The following CNTNAP2 variants were observed in gnomAD, a reference collection of about 807,000 sequenced individuals.
The protein encoded by CNTNAP2 is contactin associated protein 2, also known as contactin-associated protein-like 2.
Under a neutral mutation model 155.2 loss-of-function variants are expected in CNTNAP2, and 98 were observed. The ratio of observed to expected loss-of-function variants is 0.63; its 90% confidence interval spans 0.54 to 0.75. The LOEUF (loss-of-function observed/expected upper bound fraction) is 0.75. Among genes scored for constraint, CNTNAP2 ranks in the 30% least tolerant of loss-of-function variants. The pLI is 0.00. For synonymous variants in CNTNAP2, 651 were observed against 631.2 expected, an observed-to-expected ratio of 1.03 and a Z score of -0.47; for missense variants, 1,727 against 1,688.1, an observed-to-expected ratio of 1.02 and a Z score of -0.40.
At chr7:146,341,374 T>C (rs1490651142) in intron 1 of CNTNAP2, among the ~76,000 whole-genome samples, 1 of 152,158 alleles carries the variant, frequency 6.6e-6, no homozygotes, top group Non-Finnish European at 1.5e-5. Flanking sequence ...TTCATTGCAA[T>C]TAAAGGATTC....
intron 11 of CNTNAP2, among the ~76,000 whole-genome samples, chr7:147,558,767 G>A (rs4409329): frequency 0.044 from 6,420 of 146,958 alleles, 208 homozygotes; most frequent in Non-Finnish European, 0.069. Context: ...CTTTGAGATG[G>A]AGTCTTACTC....
intron 13 of CNTNAP2, among the ~76,000 whole-genome samples, chr7:147,676,683 G>C (rs1025147107): frequency 6.6e-5 from 10 of 151,686 alleles, no homozygotes; most frequent in South Asian, 4.2e-4. Flanking sequence ...CCCAGCCCCT[G>C]GTAACTACCA....
At chr7:146,551,913 A>G (rs10280967) in intron 1 of CNTNAP2, among the ~76,000 whole-genome samples, 109,318 of 151,988 alleles carry the variant, frequency 0.72, 40,164 homozygotes, top group South Asian at 0.87. Context: ...TTCAGCTCAT[A>G]TGATGTAATC....
intron 15 of CNTNAP2, among the ~76,000 whole-genome samples, chr7:148,062,024 AGAGAGTGTGTGTGT>A (rs1803164935): frequency 7.3e-6 from 1 of 136,660 alleles, no homozygotes; most frequent in Non-Finnish European, 1.5e-5. Context: ...AGAGAGAGAG[AGAGAGTGTGTGTGT>A]GTGTGTGTGT....
chr7:146,207,953 T>C (rs1429531369), intron 1 of CNTNAP2, among the ~76,000 whole-genome samples: 1 of 152,040 alleles, frequency 6.6e-6, no homozygotes, highest in Non-Finnish European at 1.5e-5. Flanking sequence ...AATTTTAGTA[T>C]ATTTCCTGCC....
chr7:147,424,385 C>A (rs918119517), intron 10 of CNTNAP2, among the ~76,000 whole-genome samples: 3 of 152,120 alleles, frequency 2.0e-5, no homozygotes, highest in African/African-American at 7.2e-5. Context: ...CCAATCCTTA[C>A]CTTCAGCAGC....
intron 1 of CNTNAP2, among the ~76,000 whole-genome samples, chr7:146,214,793 A>C (rs550800694): frequency 6.6e-6 from 1 of 152,332 alleles, no homozygotes; most frequent in Non-Finnish European, 1.5e-5. Flanking sequence ...CCAGAAAAAT[A>C]ACATTAGTAG....
At chr7:146,700,965 TAGGAAAGA>T (rs1474464359) in intron 1 of CNTNAP2, among the ~76,000 whole-genome samples, 8 of 152,214 alleles carry the variant, frequency 5.3e-5, no homozygotes, top group African/African-American at 1.9e-4. Context: ...ATGCTAGCCT[TAGGAAAGA>T]AATTGGAGAA....
chr7:147,547,009 A>G (rs1329475845), intron 11 of CNTNAP2, among the ~76,000 whole-genome samples: 3 of 152,146 alleles, frequency 2.0e-5, no homozygotes, highest in Non-Finnish European at 2.9e-5. Flanking sequence ...ATCAAAACCT[A>G]GGAGACATTG....
intron 16 of CNTNAP2, among the ~76,000 whole-genome samples, chr7:148,137,867 T>C (rs1371645438): frequency 6.6e-6 from 1 of 152,250 alleles, no homozygotes; most frequent in Admixed American, 6.5e-5. Context: ...AATCTGTTGT[T>C]GTAATGGAAA....
At position 148,415,347 on chromosome 7, in the gene CNTNAP2, G is replaced by C. The variant is rs546300577; in HGVS notation, c.3797-70G>C. On this transcript the variant is annotated intron_variant, in intron 23 of 23. Coordinates refer to ENST00000361727, the MANE Select transcript of CNTNAP2 (RefSeq NM_014141.6). The stretch of plus-strand genomic sequence containing the variant: ...GGGCTGTGTCTGACGGAGCTGTAGT[G>C]AAGTGGGGACAGTGTTGGAGGGACT... 5 of 1,511,038 alleles carry C rather than the reference G, an allele frequency of 3.3e-6. No homozygotes were observed. In the Admixed American group the frequency reaches 6.8e-5, roughly 21 times the overall value. The allele number at this position is 1,511,038 out of a possible 1,614,324, so 93.6% of individuals were successfully genotyped here.
rs1395622505 is a variant in CNTNAP2 at position 147,638,950 on chromosome 7, G to A, written c.1898-156G>A. On this transcript the variant is annotated intron_variant, in intron 12 of 23. Coordinates refer to ENST00000361727, the MANE Select transcript of CNTNAP2 (RefSeq NM_014141.6). The stretch of plus-strand genomic sequence containing the variant: ...CCTCATAAGCAGAACTTAGGGATGA[G>A]CAAAGAGCAGGGGGTTTTAAGGATT... The A allele has an allele frequency of 5.1e-6, 4 of 783,354 alleles. No individual in the cohort carries two copies. The African/African-American group carries it at 5.1e-5, about 10-fold the overall frequency. The allele number at this position is 783,354 out of a possible 1,614,324, so 48.5% of individuals were successfully genotyped here.
chr7:146,687,908 T>TG (rs1800630440), intron 1 of CNTNAP2, among the ~76,000 whole-genome samples: 1 of 152,172 alleles, frequency 6.6e-6, no homozygotes, highest in South Asian at 2.1e-4. Flanking sequence ...TGTGCATGTG[T>TG]GTGTGAGTTC....
intron 21 of CNTNAP2, among the ~76,000 whole-genome samples, chr7:148,327,489 A>G (rs1308963716): frequency 6.6e-6 from 1 of 152,154 alleles, no homozygotes; most frequent in Non-Finnish European, 1.5e-5. Context: ...GCTATTGAAC[A>G]CACCTTGTTT....
chr7:147,349,367 A>G (rs746992466), intron 9 of CNTNAP2, among the ~76,000 whole-genome samples: 20 of 151,972 alleles, frequency 1.3e-4, no homozygotes, highest in South Asian at 4.1e-4. Flanking sequence ...AAGCAAAAGT[A>G]GATAAAACTG....
At chr7:148,111,373 G>A (rs1446398481) in intron 15 of CNTNAP2, among the ~76,000 whole-genome samples, 1 of 151,870 alleles carries the variant, frequency 6.6e-6, no homozygotes, top group Non-Finnish European at 1.5e-5. Context: ...ATTAGAATGG[G>A]GTGCTATGAA....
chr7:147,848,404 C>A (rs1015325303), intron 13 of CNTNAP2, among the ~76,000 whole-genome samples: 5 of 150,900 alleles, frequency 3.3e-5, no homozygotes, highest in African/African-American at 1.2e-4. Context: ...AAAGGGAACT[C>A]CCTGACCCCT....
intron 13 of CNTNAP2, among the ~76,000 whole-genome samples, chr7:147,835,866 A>C (rs1798624390): frequency 6.6e-6 from 1 of 152,164 alleles, no homozygotes; most frequent in African/African-American, 2.4e-5. Context: ...AAGAGATTGA[A>C]GTTCTGTGGT....
At chr7:147,093,094 A>ACC (rs1358137705) in intron 4 of CNTNAP2, among the ~76,000 whole-genome samples, 29 of 147,252 alleles carry the variant, frequency 2.0e-4, no homozygotes, top group African/African-American at 6.0e-4. Context: ...TATATATATT[A>ACC]GCCGGGCGTG....
Sources: gnomAD v4.1 joint callset for allele counts (sites outside exome capture counted in the v4.1 genomes callset) on GRCh38, gnomAD v4.1.1 for gene constraint, MANE v1.5 for transcripts, NCBI Gene and HGNC (gene_info 2026-07-23, HGNC 2026-07-21) for gene names.